The following KYNU variants were observed in gnomAD, a reference collection of about 807,000 sequenced individuals.
KYNU encodes kynureninase.
In KYNU, 54 loss-of-function variants were observed where a neutral mutation model predicts 59.2. The observed-to-expected ratio is 0.91, with a 90% CI of 0.73 to 1.14. KYNU has a LOEUF of 1.14. Ranked by LOEUF, KYNU falls within the 50% of genes most tolerant of loss-of-function variation. The pLI is 0.00. For synonymous variants in KYNU, 177 were observed against 192.0 expected, an observed-to-expected ratio of 0.92 and a Z score of 0.65; for missense variants, 567 against 554.4, an observed-to-expected ratio of 1.02 and a Z score of -0.23.
intron 2 of KYNU, among the ~76,000 whole-genome samples, chr2:142,906,236 C>A (rs1682293367): frequency 2.0e-5 from 3 of 152,192 alleles, no homozygotes; most frequent in South Asian, 4.1e-4. Context: ...TCATCCTGAT[C>A]TATTATGTTG....
chr2:143,022,465 G>A (rs1000850614), intron 10 of KYNU, among the ~76,000 whole-genome samples: 6 of 151,926 alleles, frequency 3.9e-5, no homozygotes, highest in African/African-American at 1.4e-4. Flanking sequence ...GACTGAATAT[G>A]TATGCAATCC....
intron 8 of KYNU, among the ~76,000 whole-genome samples, chr2:142,978,273 TC>T (rs149144102): frequency 0.032 from 4,942 of 152,254 alleles, 248 homozygotes; most frequent in African/African-American, 0.11. Flanking sequence ...TTTCTTTTTT[TC>T]GTTCATTTTC....
intron 3 of KYNU, among the ~76,000 whole-genome samples, chr2:142,924,770 T>C (rs1474922004): frequency 6.6e-6 from 1 of 152,238 alleles, no homozygotes; most frequent in Non-Finnish European, 1.5e-5. Context: ...CTGCGACTAT[T>C]TTAAGTAGCT....
rs1687279062 is a variant in KYNU at position 143,052,239 on chromosome 2, T to C, written c.*10067T>C. The stretch of plus-strand genomic sequence containing the variant: ...ATTCAAGAGGTGACTTGGTTGCTAT[T>C]AAAGGCATTCAGTTTTAAAAGGGAA... On this transcript the variant is annotated 3_prime_UTR_variant, in exon 14 of 14. Coordinates refer to ENST00000264170, the MANE Select transcript of KYNU (RefSeq NM_003937.3). 1 of 152,394 alleles carries C rather than the reference T, an allele frequency of 6.6e-6. No homozygotes were observed. The highest frequency in any genetic ancestry group is 6.6e-5 in the Admixed American group (1 of 15,260). The allele number at this position is 152,394 out of a possible 1,614,324, so 9.4% of individuals were successfully genotyped here.
chr2:143,024,047 A>G (rs13008447), intron 10 of KYNU, among the ~76,000 whole-genome samples: 53,795 of 151,490 alleles, frequency 0.36, 10,516 homozygotes, highest in East Asian at 0.52. Flanking sequence ...AAAAGTATAA[A>G]TAGAAAATGT....
intron 10 of KYNU, among the ~76,000 whole-genome samples, chr2:143,010,017 C>T (rs1686040959): frequency 7.1e-6 from 1 of 140,848 alleles, no homozygotes; most frequent in Non-Finnish European, 1.5e-5. Context: ...GGGATGCCCT[C>T]TCTCACCACT....
intron 4 of KYNU, among the ~76,000 whole-genome samples, chr2:142,938,059 T>G (rs766505220): frequency 3.3e-5 from 5 of 152,196 alleles, no homozygotes; most frequent in Non-Finnish European, 7.3e-5. Context: ...TTTTTACGGG[T>G]TAGAGTAGAG....
At chr2:143,005,939 C>T (rs1418659387) in intron 10 of KYNU, among the ~76,000 whole-genome samples, 3 of 152,124 alleles carry the variant, frequency 2.0e-5, no homozygotes, top group Non-Finnish European at 4.4e-5. Flanking sequence ...CATGGAAGTC[C>T]TCAGAACCCA....
intron 6 of KYNU, among the ~76,000 whole-genome samples, chr2:142,957,129 A>G (rs1215904826): frequency 6.6e-6 from 1 of 152,176 alleles, no homozygotes; most frequent in African/African-American, 2.4e-5. Context: ...GTCAAATGGA[A>G]TAAAACCCTA....
rs569496401 is a variant in KYNU at position 142,943,051 on chromosome 2, A to G, written c.374-11759A>G. The stretch of plus-strand genomic sequence containing the variant: ...CACCCAAATCCTGAGATATTGGGAA[A>G]CTGCTGATCACGAGTTTCAGGTTTT... On this transcript the variant is annotated intron_variant, in intron 4 of 13. Coordinates refer to ENST00000264170, the MANE Select transcript of KYNU (RefSeq NM_003937.3). Among the ~76,000 whole-genome samples, 14 of 152,314 alleles carry G rather than the reference A, an allele frequency of 9.2e-5. No homozygotes were observed. The East Asian group carries it at 1.9e-3, about 21-fold the overall frequency.
intron 1 of KYNU, among the ~76,000 whole-genome samples, chr2:142,881,916 C>CTTTTTTTTT (rs869099302): frequency 2.5e-4 from 28 of 113,170 alleles, no homozygotes; most frequent in African/African-American, 3.7e-4. Flanking sequence ...TTTCTTTTTT[C>CTTTTTTTTT]TTTTTTTTTT....
rs116338999 is a variant in KYNU at position 142,935,969 on chromosome 2, C to T, written c.373+8228C>T. Among the ~76,000 whole-genome samples the T allele has an allele frequency of 8.3e-3, 1,262 of 152,200 alleles. 14 individuals carry two copies. Among genetic ancestry groups the T allele is most frequent in the South Asian group, 0.062 (299 of 4,812 alleles). ...GGTGTAGGAAAAGAAGTGGATACAGCTGACTGGGAAGGTGGTGGCTGAGAA... is the reference window on the plus strand; with the variant it reads ...GGTGTAGGAAAAGAAGTGGATACAGTTGACTGGGAAGGTGGTGGCTGAGAA... On this transcript the variant is annotated intron_variant, in intron 4 of 13. Coordinates refer to ENST00000264170, the MANE Select transcript of KYNU (RefSeq NM_003937.3).
At chr2:142,996,696 G>T (rs1311877989) in intron 10 of KYNU, among the ~76,000 whole-genome samples, 1 of 152,142 alleles carries the variant, frequency 6.6e-6, no homozygotes, top group Non-Finnish European at 1.5e-5. Flanking sequence ...TCAGGGGCCA[G>T]AACATTAAGA....
At chr2:142,943,938 G>T (rs554477803) in intron 4 of KYNU, among the ~76,000 whole-genome samples, 1 of 152,140 alleles carries the variant, frequency 6.6e-6, no homozygotes, top group Non-Finnish European at 1.5e-5. Context: ...GCAGTTATGA[G>T]ACCCGTAATG....
At position 142,989,285 on chromosome 2, in the gene KYNU, A is replaced by G. The variant is rs571817467; in HGVS notation, c.902+3264A>G. 54 of 673,790 alleles carry G rather than the reference A, an allele frequency of 8.0e-5. No individual in the cohort carries two copies. The African/African-American group carries it at 1.0e-3, about 13-fold the overall frequency. The allele number at this position is 673,790 out of a possible 1,614,324, so 41.7% of individuals were successfully genotyped here. On this transcript the variant is annotated intron_variant, in intron 10 of 13. Coordinates refer to ENST00000264170, the MANE Select transcript of KYNU (RefSeq NM_003937.3). ...TTTCAGTTGTTAGCATTCCACGATTAGCTGGTTTAACTATGTTTAATAAGC... is the reference window on the plus strand; with the variant it reads ...TTTCAGTTGTTAGCATTCCACGATTGGCTGGTTTAACTATGTTTAATAAGC...
At chr2:142,932,714 G>A (rs1683264623) in intron 4 of KYNU, among the ~76,000 whole-genome samples, 1 of 139,652 alleles carries the variant, frequency 7.2e-6, no homozygotes, top group African/African-American at 2.6e-5. Flanking sequence ...TCAGCTTTTG[G>A]GAGGTAGTGC....
At chr2:142,992,303 ATTATCT>A (rs1208099394) in intron 10 of KYNU, among the ~76,000 whole-genome samples, 1 of 151,836 alleles carries the variant, frequency 6.6e-6, no homozygotes, top group African/African-American at 2.4e-5. Flanking sequence ...CTATGTAAAA[ATTATCT>A]TTAAGGTCAT....
intron 10 of KYNU, among the ~76,000 whole-genome samples, chr2:143,022,770 T>C (rs1686444074): frequency 1.3e-5 from 2 of 152,002 alleles, no homozygotes. Context: ...TCAATTAATC[T>C]AGATTTGTCA....
In KYNU at chr2:143,053,397, G is replaced by A. The variant is rs2104936736; in HGVS notation, c.*11225G>A. The A allele has an allele frequency of 6.6e-6, 1 of 152,366 alleles. No individual in the cohort carries two copies. The highest frequency in any genetic ancestry group is 3.4e-3 in the Middle Eastern group (1 of 296). The allele number at this position is 152,366 out of a possible 1,614,324, so 9.4% of individuals were successfully genotyped here. A position where few individuals can be genotyped will look rare whatever the true frequency, so the allele number is the denominator to read the frequency against. ...GACTTTTGAGTTAATGCTGAAATGA[G>A]TTAAGACTTTGGGTGACTGTTGCGA... is the stretch of plus-strand genomic sequence containing the variant. On this transcript the variant is annotated 3_prime_UTR_variant, in exon 14 of 14. Transcript: ENST00000264170.
Sources: gnomAD v4.1 joint callset for allele counts (sites outside exome capture counted in the v4.1 genomes callset) on GRCh38, gnomAD v4.1.1 for gene constraint, MANE v1.5 for transcripts, NCBI Gene and HGNC (gene_info 2026-07-23, HGNC 2026-07-21) for gene names.